ATG4C: variants seen among roughly 807,000 people sequenced by gnomAD.
ATG4C encodes the protein autophagy related 4C cysteine peptidase, also known as cysteine protease ATG4C.
In ATG4C, 56 loss-of-function variants were observed where a neutral mutation model predicts 57.6. That is an observed-to-expected ratio of 0.97 (90% CI 0.78 to 1.21). ATG4C has a LOEUF of 1.21. Among genes scored for constraint, ATG4C ranks in the 50% most tolerant of loss-of-function variants. ATG4C has a pLI of 0.00. For synonymous variants in ATG4C, 157 were observed against 174.1 expected (o/e 0.90, Z 0.78); for missense variants, 595 against 529.8 (o/e 1.12, Z -1.21).
At chr1:62,831,530 C>G (rs1665838727) in intron 7 of ATG4C, among the ~76,000 whole-genome samples, 1 of 152,072 alleles carries the variant, frequency 6.6e-6, no homozygotes, top group Non-Finnish European at 1.5e-5. Flanking sequence ...TTCGTCCTTA[C>G]CACAGGAGGT....
intron 10 of ATG4C, among the ~76,000 whole-genome samples, chr1:62,861,576 A>AACACACACACACAC (rs57225222): frequency 4.5e-5 from 6 of 133,564 alleles, no homozygotes; most frequent in Middle Eastern, 3.7e-3. Flanking sequence ...TGGAAAATAG[A>AACACACACACACAC]ACACACACAC....
chr1:62,864,045 T>A lies in ATG4C; in HGVS notation c.1263T>A (p.Gly421=). 4.4e-6 allele frequency: 7 copies of A among 1,592,610 alleles called. No homozygotes were observed. The highest frequency in any genetic ancestry group is 6.0e-6 in the Non-Finnish European group (7 of 1,172,446). ...EKYPLFTFVN[G]HSRDYDFTST... ...ATCCCTTATTTACTTTTGTAAATGG[T>A]CATTCCAGAGACTATGATTTTACAT... The change falls in exon 11 of 11, where the codon GGT becomes GGA. Residue 421 remains glycine (G), a synonymous_variant. Transcript: ENST00000317868.
At chr1:62,790,447 T>A (rs1185652203) in intron 1 of ATG4C, among the ~76,000 whole-genome samples, 1 of 152,240 alleles carries the variant, frequency 6.6e-6, no homozygotes, top group Non-Finnish European at 1.5e-5. Flanking sequence ...GCAACAGATT[T>A]ACCAAGTAAA....
chr1:62,811,013 C>G (rs1665066663), intron 3 of ATG4C, among the ~76,000 whole-genome samples: 1 of 152,034 alleles, frequency 6.6e-6, no homozygotes, highest in African/African-American at 2.4e-5. Flanking sequence ...TAGCTGGAGT[C>G]ACTCATCTCT....
Position 62,819,341 on chromosome 1 carries a change from A to G in ATG4C, c.725+6A>G. 6.4e-7 allele frequency: 1 copy of G among 1,565,492 alleles called. No homozygotes were observed. Among genetic ancestry groups the G allele is most frequent in the Non-Finnish European group, 8.6e-7 (1 of 1,161,946 alleles). On this transcript the variant is annotated splice_donor_region_variant and intron_variant, in intron 5 of 10. Transcript: ENST00000317868. Reference sequence around the variant, plus strand: ...GTGGTTGCTCACATTTTAAGGTAAAATTGTTTTAAAATCTTTCTTCTTGTG... The same window carrying G: ...GTGGTTGCTCACATTTTAAGGTAAAGTTGTTTTAAAATCTTTCTTCTTGTG...
rs763719273 is a variant in ATG4C at position 62,864,169 on chromosome 1, C to G, written c.*10C>G. 3.8e-6 allele frequency: 6 copies of G among 1,582,770 alleles called. No homozygotes were observed. Among genetic ancestry groups the G allele is most frequent in the Non-Finnish European group, 5.1e-6 (6 of 1,170,894 alleles). ...GTTTGTCTTGCTTTAAAGATTAGCA[C>G]ATTTGTGCTTGATAAGAAGAATTCC... On this transcript the variant is annotated 3_prime_UTR_variant, in exon 11 of 11. Transcript: ENST00000317868.
intron 4 of ATG4C, among the ~76,000 whole-genome samples, chr1:62,818,450 C>T (rs760183314): frequency 2.0e-5 from 3 of 151,992 alleles, no homozygotes; most frequent in Non-Finnish European, 4.4e-5. Context: ...GTCTTTATCT[C>T]AGCACTGTCA....
intron 3 of ATG4C, among the ~76,000 whole-genome samples, chr1:62,814,504 T>C (rs1665198268): frequency 6.6e-6 from 1 of 152,110 alleles, no homozygotes; most frequent in African/African-American, 2.4e-5. Context: ...CAATGACAGG[T>C]TGATGGATGC....
At chr1:62,793,238 C>T (rs1406721358) in intron 1 of ATG4C, among the ~76,000 whole-genome samples, 6 of 151,974 alleles carry the variant, frequency 3.9e-5, no homozygotes, top group Non-Finnish European at 4.4e-5. Flanking sequence ...TACTCCTCTC[C>T]ACCCAAGTAC....
In ATG4C at chr1:62,816,613, A is replaced by G. The variant is rs776074687; in HGVS notation, c.199A>G (p.Ile67Val). Residue 67 changes from isoleucine (I) to valine (V), a missense_variant, in exon 4 of 11, where the codon ATA becomes GTA. Ile to Val is a conservative substitution (Grantham distance 29, BLOSUM62 3). Coordinates refer to ENST00000317868, the MANE Select transcript of ATG4C (RefSeq NM_032852.4). ...KTLPAESGCT[I>V]EDHVIAGNVE... ...GTTACCTGCAGAGTCGGGATGTACAATAGAGGATCACGTAATTGCAGGAAA... is the reference window on the plus strand; with the variant it reads ...GTTACCTGCAGAGTCGGGATGTACAGTAGAGGATCACGTAATTGCAGGAAA... 3.1e-6 allele frequency: 5 copies of G among 1,613,566 alleles called. No individual in the cohort carries two copies. The highest frequency in any genetic ancestry group is 4.2e-6 in the Non-Finnish European group (5 of 1,179,782).
intron 10 of ATG4C, among the ~76,000 whole-genome samples, chr1:62,845,694 A>T (rs986465184): frequency 3.0e-5 from 4 of 131,882 alleles, no homozygotes; most frequent in African/African-American, 1.1e-4. Flanking sequence ...TATATGTTTT[A>T]TTTATTTTTA....
intron 3 of ATG4C, among the ~76,000 whole-genome samples, chr1:62,813,434 T>C (rs576671649): frequency 6.6e-6 from 1 of 152,170 alleles, no homozygotes; most frequent in Non-Finnish European, 1.5e-5. Flanking sequence ...TCTTACACCT[T>C]ATACAAAAAT....
chr1:62,820,688 T>C (rs1372782200), intron 5 of ATG4C, among the ~76,000 whole-genome samples: 2 of 152,026 alleles, frequency 1.3e-5, no homozygotes, highest in East Asian at 3.9e-4. Flanking sequence ...ATATAGGTTT[T>C]TGAATGAAGG....
chr1:62,802,997 A>T (rs1664732719), intron 1 of ATG4C, among the ~76,000 whole-genome samples: 1 of 152,206 alleles, frequency 6.6e-6, no homozygotes, highest in Non-Finnish European at 1.5e-5. Context: ...GTAAACTGTG[A>T]ATTATTGCAA....
intron 1 of ATG4C, among the ~76,000 whole-genome samples, chr1:62,797,312 T>G (rs1347975704): frequency 1.3e-5 from 2 of 152,204 alleles, no homozygotes; most frequent in East Asian, 3.8e-4. Flanking sequence ...AATTATAATA[T>G]GTATATGCCA....
At chr1:62,814,542 A>G (rs1378127868) in intron 3 of ATG4C, among the ~76,000 whole-genome samples, 4 of 152,202 alleles carry the variant, frequency 2.6e-5, no homozygotes, top group East Asian at 1.9e-4. Context: ...GTGTATACCT[A>G]TGTAACAAAC....
intron 3 of ATG4C, among the ~76,000 whole-genome samples, chr1:62,807,391 A>G (rs915845310): frequency 6.6e-6 from 1 of 152,146 alleles, no homozygotes. Flanking sequence ...GGTGATTAGA[A>G]TGCATCTTTT....
At chr1:62,856,498 C>CACA (rs1666687393) in intron 10 of ATG4C, among the ~76,000 whole-genome samples, 1 of 152,174 alleles carries the variant, frequency 6.6e-6, no homozygotes, top group Non-Finnish European at 1.5e-5. Context: ...ATTTAATCTG[C>CACA]ACAACAACTC....
In ATG4C at chr1:62,849,911, GT is replaced by G. The variant is rs576247579; in HGVS notation, c.1209+8368del. 2.3e-3 allele frequency among the ~76,000 whole-genome samples: 345 copies of G among 152,078 alleles called. 2 individuals are homozygous for G. Among genetic ancestry groups the G allele is most frequent in the African/African-American group, 8.1e-3 (336 of 41,482 alleles). On this transcript the variant is annotated intron_variant, in intron 10 of 10. Coordinates refer to ENST00000317868, the MANE Select transcript of ATG4C (RefSeq NM_032852.4). Reference sequence around the variant, plus strand: ...TAATTAGTATATTTATAAAATACTTGTTTTAGTTATTTCTTTTAAGGTGTAA... The same window carrying G: ...TAATTAGTATATTTATAAAATACTTGTTTAGTTATTTCTTTTAAGGTGTAA...
Sources: gnomAD v4.1 joint callset for allele counts (sites outside exome capture counted in the v4.1 genomes callset) on GRCh38, gnomAD v4.1.1 for gene constraint, MANE v1.5 for transcripts, NCBI Gene and HGNC (gene_info 2026-07-23, HGNC 2026-07-21) for gene names.